PTN: variants seen among roughly 807,000 people sequenced by gnomAD.
PTN encodes the protein pleiotrophin.
In PTN, 18 loss-of-function variants were observed where a neutral mutation model predicts 24.1. The ratio of observed to expected loss-of-function variants is 0.75; its 90% CI spans 0.52 to 1.11. PTN has a LOEUF of 1.11. Among genes scored for constraint, PTN ranks in the 50% least tolerant of loss-of-function variants. The pLI, the probability that PTN is intolerant of heterozygous loss-of-function variation, is 0.00. For missense variants in PTN, 163 were observed against 198.8 expected (o/e 0.82, Z 1.08); for synonymous variants, 78 against 68.6 (o/e 1.14, Z -0.67).
chr7:137,310,390 G>GT (rs36009703), intron 1 of PTN, among the ~76,000 whole-genome samples: 5 of 137,200 alleles, frequency 3.6e-5, no homozygotes, highest in African/African-American at 1.1e-4. Flanking sequence ...AAGTTACCAT[G>GT]TTTTTTTTTT....
chr7:137,290,949 A>G (rs1809630118), intron 1 of PTN, among the ~76,000 whole-genome samples: 1 of 152,200 alleles, frequency 6.6e-6, no homozygotes, highest in African/African-American at 2.4e-5. Flanking sequence ...TTTGAAAGGT[A>G]TTTTTTAAGC....
chr7:137,281,755 C>T (rs549743483), intron 1 of PTN, among the ~76,000 whole-genome samples: 1 of 152,162 alleles, frequency 6.6e-6, no homozygotes, highest in Non-Finnish European at 1.5e-5. Flanking sequence ...ATATGCACTC[C>T]AGAACAATTT....
chr7:137,271,639 G>A (rs535637249), intron 1 of PTN, among the ~76,000 whole-genome samples: 10 of 152,200 alleles, frequency 6.6e-5, no homozygotes, highest in South Asian at 6.2e-4. Context: ...TTCCTTTATC[G>A]CTTTAATTTA....
intron 1 of PTN, among the ~76,000 whole-genome samples, chr7:137,341,236 A>G (rs1810528703): frequency 6.6e-6 from 1 of 152,166 alleles, no homozygotes; most frequent in African/African-American, 2.4e-5. Flanking sequence ...TGGGGATCTT[A>G]TTTCTCTCTG....
chr7:137,228,465 T>A (rs905584324), intron 4 of PTN, among the ~76,000 whole-genome samples: 1 of 151,832 alleles, frequency 6.6e-6, no homozygotes, highest in African/African-American at 2.4e-5. Context: ...CACTGCTCAA[T>A]GGAAAACTAC....
intron 1 of PTN, among the ~76,000 whole-genome samples, chr7:137,322,873 C>T (rs900543686): frequency 1.3e-5 from 2 of 152,194 alleles, no homozygotes; most frequent in Non-Finnish European, 2.9e-5. Flanking sequence ...CTGCCAGCAT[C>T]AATTCCCTCA....
chr7:137,262,490 A>C (rs1227146632), intron 1 of PTN, among the ~76,000 whole-genome samples: 1 of 151,966 alleles, frequency 6.6e-6, no homozygotes, highest in Non-Finnish European at 1.5e-5. Flanking sequence ...TTTCTAACTC[A>C]TTTTGAAACA....
At chr7:137,324,433 A>AAAAAAAAAAAAAAAAAAAAAAAAATAT in intron 1 of PTN, among the ~76,000 whole-genome samples, 1 of 88,804 alleles carries the variant, frequency 1.1e-5, no homozygotes, top group African/African-American at 6.9e-5. Context: ...AAAAAAAAAA[A>AAAAAAAAAAAAAAAAAAAAAAAAATAT]ATATATATAT....
At chr7:137,275,943 T>A (rs923553303) in intron 1 of PTN, among the ~76,000 whole-genome samples, 6 of 152,348 alleles carry the variant, frequency 3.9e-5, no homozygotes, top group Middle Eastern at 3.4e-3. Context: ...TTTGTTCAGA[T>A]GAAGTGACTC....
At chr7:137,313,817 C>T (rs1404090584) in intron 1 of PTN, among the ~76,000 whole-genome samples, 1 of 152,120 alleles carries the variant, frequency 6.6e-6, no homozygotes, top group Non-Finnish European at 1.5e-5. Context: ...TACCGATAAG[C>T]TTCATTTAAT....
At chr7:137,235,388 C>T (rs1195623643) in intron 4 of PTN, among the ~76,000 whole-genome samples, 1 of 152,122 alleles carries the variant, frequency 6.6e-6, no homozygotes, top group African/African-American at 2.4e-5. Context: ...AATCCAGGTA[C>T]TGGTTGGCTA....
chr7:137,228,056 T>TTTC lies in PTN; in HGVS notation c.468_470dup (p.Lys158dup). On this transcript the variant is annotated inframe_insertion, in exon 5 of 5. Transcript: ENST00000348225. Reference sequence around the variant, plus strand: ...TCTTCTCCTGTTTCTTGCCTTCCTTTTTCTTCTTCTTAGATTCTGCTGTGA... The same window carrying TTTC: ...TCTTCTCCTGTTTCTTGCCTTCCTTTTTCTTCTTCTTCTTAGATTCTGCTGTGA... The TTTC allele has an allele frequency of 6.3e-7, 1 of 1,590,348 alleles. No homozygotes were observed. The highest frequency in any genetic ancestry group is 8.6e-7 in the Non-Finnish European group (1 of 1,160,174).
At chr7:137,309,026 C>T (rs1381348808) in intron 1 of PTN, among the ~76,000 whole-genome samples, 1 of 152,020 alleles carries the variant, frequency 6.6e-6, no homozygotes, top group African/African-American at 2.4e-5. Flanking sequence ...TCCTAGAGCA[C>T]AGTAAAGAGT....
rs550768728 is a variant in PTN at position 137,286,001 on chromosome 7, A to T, written c.-1-31027T>A. The stretch of plus-strand genomic sequence containing the variant: ...GGTTTTCACATACGTAGGAAATAGA[A>T]GGAAGGAAAATAAATGCTACAGCCA... On this transcript the variant is annotated intron_variant, in intron 1 of 4. Transcript: ENST00000348225. Among the ~76,000 whole-genome samples, 41 of 152,296 alleles carry T rather than the reference A, an allele frequency of 2.7e-4. 1 individual carries two copies. The South Asian group carries it at 8.5e-3, about 32-fold the overall frequency.
rs748771497 is a variant in PTN at position 137,228,077 on chromosome 7, T to C, written c.452-2A>G. The C allele has an allele frequency of 1.3e-6, 2 of 1,528,652 alleles. No homozygotes were observed. Among genetic ancestry groups the C allele is most frequent in the Admixed American group, 1.7e-5 (1 of 58,950 alleles). 94.7% of individuals were successfully genotyped at this position (1,528,652 alleles called of 1,614,324 possible). A position where few individuals can be genotyped will look rare whatever the true frequency, so the allele number is the denominator to read the frequency against. On this transcript the variant is annotated splice_acceptor_variant, in intron 4 of 4. Transcript: ENST00000348225. LOFTEE classifies it high-confidence loss of function. Reference sequence around the variant, plus strand: ...CCTTTTTCTTCTTCTTAGATTCTGCTGTGATTACAAAAAAGAGAGACAGAA... The same window carrying C: ...CCTTTTTCTTCTTCTTAGATTCTGCCGTGATTACAAAAAAGAGAGACAGAA...
intron 1 of PTN, among the ~76,000 whole-genome samples, chr7:137,286,438 G>C (rs975053124): frequency 2.0e-5 from 3 of 151,940 alleles, no homozygotes; most frequent in Admixed American, 1.3e-4. Flanking sequence ...TTCCAGCAAG[G>C]GATCTTTCTT....
At chr7:137,314,299 G>A (rs1810032683) in intron 1 of PTN, among the ~76,000 whole-genome samples, 1 of 152,042 alleles carries the variant, frequency 6.6e-6, no homozygotes, top group Non-Finnish European at 1.5e-5. Context: ...ATGGATCATT[G>A]CTCTTTTCTG....
At chr7:137,257,475 T>C (rs1329586706) in intron 1 of PTN, among the ~76,000 whole-genome samples, 1 of 152,212 alleles carries the variant, frequency 6.6e-6, no homozygotes, top group Non-Finnish European at 1.5e-5. Context: ...CAGAGTTCTT[T>C]GAGTTGGGCA....
chr7:137,229,130 C>A (rs1204922179), intron 4 of PTN, among the ~76,000 whole-genome samples: 1 of 151,756 alleles, frequency 6.6e-6, no homozygotes, highest in Non-Finnish European at 1.5e-5. Context: ...CAAATTAAAC[C>A]TGTTCTATAA....
Sources: allele counts gnomAD v4.1 joint callset (sites outside exome capture counted in the v4.1 genomes callset), GRCh38; gene constraint gnomAD v4.1.1; transcripts MANE v1.5; gene names NCBI Gene and HGNC (gene_info 2026-07-23, HGNC 2026-07-21).